THSD7B: variants seen among roughly 807,000 people sequenced by gnomAD.
THSD7B encodes the protein thrombospondin type 1 domain containing 7B.
THSD7B carries 138 observed loss-of-function variants against 213.6 expected under a neutral mutation model. The observed-to-expected ratio is 0.65, with a 90% CI of 0.56 to 0.74. THSD7B has a LOEUF of 0.74. Among genes scored for constraint, THSD7B ranks in the 30% least tolerant of loss-of-function variants. The pLI, the probability that THSD7B is intolerant of heterozygous loss-of-function variation, is 0.00. For synonymous variants in THSD7B, 742 were observed against 687.0 expected (o/e 1.08, Z -1.25); for missense variants, 1,931 against 1,991.5 (o/e 0.97, Z 0.58).
At position 137,219,089 on chromosome 2, in the gene THSD7B, C is replaced by G. The variant is rs550067396; in HGVS notation, c.1724-11955C>G. Reference sequence around the variant, plus strand: ...AGCATGATTCTCCCCTAGTTCACCACTGCAAACTTTCAATGTAGTTATGTG... The same window carrying G: ...AGCATGATTCTCCCCTAGTTCACCAGTGCAAACTTTCAATGTAGTTATGTG... On this transcript the variant is annotated intron_variant, in intron 7 of 27. Transcript: ENST00000409968. Among the ~76,000 whole-genome samples the G allele has an allele frequency of 5.9e-5, 9 of 152,148 alleles. No individual in the cohort carries two copies. The South Asian group carries it at 1.9e-3, about 32-fold the overall frequency.
intron 15 of THSD7B, among the ~76,000 whole-genome samples, chr2:137,495,572 G>C (rs1396168576): frequency 6.6e-6 from 1 of 152,122 alleles, no homozygotes; most frequent in Non-Finnish European, 1.5e-5. Flanking sequence ...ACTCTAGAGT[G>C]AGTAAGTTAG....
intron 17 of THSD7B, among the ~76,000 whole-genome samples, chr2:137,582,322 A>T (rs1490595543): frequency 1.3e-5 from 2 of 152,098 alleles, no homozygotes; most frequent in Non-Finnish European, 2.9e-5. Context: ...GTTTTGTTAA[A>T]TGTAGGAAAT....
At chr2:137,417,994 T>G (rs1300080087) in intron 14 of THSD7B, among the ~76,000 whole-genome samples, 1 of 152,204 alleles carries the variant, frequency 6.6e-6, no homozygotes. Context: ...ATTCACCACT[T>G]GGGGAAGAAT....
chr2:136,832,124 T>C lies in THSD7B; in HGVS notation c.-35-50020T>C, dbSNP rs1002954722. ...AGGCTATAATAAGTACTGGTTGAGATGGTTATTAGGGTTTTCCAGAAAGAA... is the reference window on the plus strand; with the variant it reads ...AGGCTATAATAAGTACTGGTTGAGACGGTTATTAGGGTTTTCCAGAAAGAA... On this transcript the variant is annotated intron_variant, in intron 1 of 27. Coordinates refer to ENST00000409968, the MANE Select transcript of THSD7B (RefSeq NM_001316349.2). 4.6e-5 allele frequency among the ~76,000 whole-genome samples: 7 copies of C among 151,852 alleles called. No homozygotes were observed. In the South Asian group the frequency reaches 1.0e-3, roughly 23 times the overall value.
intron 5 of THSD7B, among the ~76,000 whole-genome samples, chr2:137,140,291 T>G (rs944577103): frequency 6.6e-6 from 1 of 152,182 alleles, no homozygotes; most frequent in Non-Finnish European, 1.5e-5. Flanking sequence ...ATGGTATAAA[T>G]TACTTCAGAA....
Position 137,220,134 on chromosome 2 carries a change from T to A in THSD7B, c.1724-10910T>A, listed in dbSNP as rs112795159. Among the ~76,000 whole-genome samples, 1,164 of 152,292 alleles carry A rather than the reference T, an allele frequency of 7.6e-3. 6 individuals carry two copies. The highest frequency in any genetic ancestry group is 0.014 in the South Asian group (68 of 4,828). ...TTCTGTTCCTTCCTGAAAATTTGTA[T>A]TTTTAAATACAAACTGAATACAGCA... On this transcript the variant is annotated intron_variant, in intron 7 of 27. Transcript: ENST00000409968.
chr2:137,432,252 G>T (rs989348373), intron 14 of THSD7B, among the ~76,000 whole-genome samples: 3 of 152,114 alleles, frequency 2.0e-5, no homozygotes, highest in Non-Finnish European at 2.9e-5. Flanking sequence ...TTAGCTGGGC[G>T]TGGCAGTGTC....
intron 2 of THSD7B, among the ~76,000 whole-genome samples, chr2:136,990,330 G>A (rs543259564): frequency 6.6e-6 from 1 of 152,366 alleles, no homozygotes; most frequent in South Asian, 2.1e-4. Flanking sequence ...TTTGGACAGA[G>A]ACACCTGAGC....
chr2:137,382,208 A>G (rs1055970515), intron 12 of THSD7B, among the ~76,000 whole-genome samples: 1 of 152,130 alleles, frequency 6.6e-6, no homozygotes, highest in Non-Finnish European at 1.5e-5. Context: ...CCTCAGTGCT[A>G]TATGCCTAGC....
At chr2:137,324,605 T>C (rs564075803) in intron 12 of THSD7B, among the ~76,000 whole-genome samples, 34 of 152,338 alleles carry the variant, frequency 2.2e-4, no homozygotes, top group Non-Finnish European at 3.5e-4. Context: ...ACATACCATT[T>C]TGAGTGCTTG....
At chr2:137,157,262 T>C (rs1679926771) in intron 5 of THSD7B, among the ~76,000 whole-genome samples, 1 of 152,218 alleles carries the variant, frequency 6.6e-6, no homozygotes, top group South Asian at 2.1e-4. Flanking sequence ...CATTGTGAGC[T>C]GGTGCCCCAC....
At chr2:137,652,640 C>T (rs1683162311) in intron 21 of THSD7B, among the ~76,000 whole-genome samples, 3 of 152,002 alleles carry the variant, frequency 2.0e-5, no homozygotes, top group African/African-American at 7.2e-5. Context: ...GTTTTTTCCC[C>T]TCTTCCTTTG....
chr2:137,502,164 A>G (rs577425712), intron 15 of THSD7B, among the ~76,000 whole-genome samples: 96 of 144,724 alleles, frequency 6.6e-4, no homozygotes, highest in Middle Eastern at 3.6e-3. Context: ...ACATCCCTGG[A>G]TTGATTATTC....
At chr2:136,842,240 C>A (rs532481220) in intron 1 of THSD7B, among the ~76,000 whole-genome samples, 1 of 152,206 alleles carries the variant, frequency 6.6e-6, no homozygotes, top group African/African-American at 2.4e-5. Context: ...AAAAAAAGAA[C>A]TGCGCTGGGT....
chr2:136,965,550 T>C (rs542919737), intron 2 of THSD7B, among the ~76,000 whole-genome samples: 2 of 152,178 alleles, frequency 1.3e-5, no homozygotes, highest in Non-Finnish European at 2.9e-5. Context: ...CTACACACTT[T>C]GCTTAATGAA....
chr2:137,455,016 T>C (rs889992740), intron 15 of THSD7B, among the ~76,000 whole-genome samples: 1 of 152,044 alleles, frequency 6.6e-6, no homozygotes. Context: ...TCAAAAAATA[T>C]TGAATTTTGA....
intron 1 of THSD7B, among the ~76,000 whole-genome samples, chr2:136,792,540 T>C (rs910169870): frequency 1.3e-5 from 2 of 152,024 alleles, no homozygotes; most frequent in Admixed American, 6.6e-5. Context: ...CTCGTGCCAA[T>C]GCAAGTTTAT....
At chr2:136,958,409 G>T (rs538103149) in intron 2 of THSD7B, among the ~76,000 whole-genome samples, 2 of 152,240 alleles carry the variant, frequency 1.3e-5, no homozygotes, top group African/African-American at 2.4e-5. Flanking sequence ...TGATTAATTT[G>T]AACTCATTGA....
intron 15 of THSD7B, among the ~76,000 whole-genome samples, chr2:137,506,267 G>C (rs1466081628): frequency 6.6e-6 from 1 of 152,114 alleles, no homozygotes; most frequent in African/African-American, 2.4e-5. Flanking sequence ...ACTGAGTCGT[G>C]GCCACAAAAA....
Sources: gnomAD v4.1 joint callset for allele counts (sites outside exome capture counted in the v4.1 genomes callset) on GRCh38, gnomAD v4.1.1 for gene constraint, MANE v1.5 for transcripts, NCBI Gene and HGNC (gene_info 2026-07-23, HGNC 2026-07-21) for gene names.